CPSF2: variants seen among roughly 807,000 people sequenced by gnomAD.
CPSF2 encodes cleavage and polyadenylation specificity factor subunit 2.
CPSF2 carries 51 observed loss-of-function variants against 84.2 expected under a neutral mutation model. The observed-to-expected ratio is 0.61, with a 90% CI of 0.48 to 0.77. The LOEUF (loss-of-function observed/expected upper bound fraction) is 0.77. Ranked by LOEUF, CPSF2 falls within the 30% of genes least tolerant of loss-of-function variation. The probability of loss-of-function intolerance (pLI) is 0.00; values close to 1 mark genes in which losing one functional copy is unlikely to be tolerated. For synonymous variants in CPSF2, 286 were observed against 311.9 expected, an observed-to-expected ratio of 0.92 and a Z score of 0.87; for missense variants, 641 against 929.4, an observed-to-expected ratio of 0.69 and a Z score of 4.03.
At position 92,155,167 on chromosome 14, in the gene CPSF2, T is replaced by C. The variant is rs779458422; in HGVS notation, c.1286T>C (p.Ile429Thr). The change falls in exon 11 of 16, where the codon ATT becomes ACT. Residue 429 changes from isoleucine (I) to threonine (T), a missense_variant. Coordinates refer to ENST00000298875, the MANE Select transcript of CPSF2 (RefSeq NM_017437.3). The part of the protein sequence containing the change: ...SSDESDIEED[I>T]DQPSAHKTKH... ...GATGAGAGTGATATTGAGGAAGATA[T>C]TGACCAGCCATCAGCTCATAAGACG... 12 of 1,613,958 alleles carry C rather than the reference T, an allele frequency of 7.4e-6. No homozygotes were observed. The highest frequency in any genetic ancestry group is 4.0e-5 in the African/African-American group (3 of 74,922).
chr14:92,158,689 T>C (rs2069324556), intron 13 of CPSF2, among the ~76,000 whole-genome samples: 1 of 152,180 alleles, frequency 6.6e-6, no homozygotes, highest in South Asian at 2.1e-4. Flanking sequence ...CTGGTCTTAA[T>C]CTTACCAGTT....
intron 9 of CPSF2, among the ~76,000 whole-genome samples, chr14:92,152,672 T>C (rs1453126552): frequency 6.6e-6 from 1 of 152,058 alleles, no homozygotes; most frequent in Non-Finnish European, 1.5e-5. Context: ...CTCCTGACCT[T>C]AGGTGATCTG....
At position 92,129,833 on chromosome 14, in the gene CPSF2, G is replaced by A. The variant is rs1400985925; in HGVS notation, c.-34-1118G>A. Among the ~76,000 whole-genome samples, 3 of 151,970 alleles carry A rather than the reference G, an allele frequency of 2.0e-5. No homozygotes were observed. In the East Asian group the frequency reaches 5.8e-4, roughly 29 times the overall value. ...CGCACTCATAGCTCACAGTAACCTC[G>A]GACTCCTGGGCTCAAGCAATTCTCT... On this transcript the variant is annotated intron_variant, in intron 2 of 15. Coordinates refer to ENST00000298875, the MANE Select transcript of CPSF2 (RefSeq NM_017437.3).
intron 15 of CPSF2, 30 bp downstream of exon 15, chr14:92,161,276 G>T (rs749894123): frequency 6.3e-7 from 1 of 1,582,808 alleles, no homozygotes; most frequent in African/African-American, 1.4e-5. Flanking sequence ...GGGCTGAATT[G>T]AACACATACG....
At chr14:92,131,488 C>T (rs2068928470) in intron 3 of CPSF2, among the ~76,000 whole-genome samples, 1 of 152,082 alleles carries the variant, frequency 6.6e-6, no homozygotes, top group Non-Finnish European at 1.5e-5. Flanking sequence ...TCTTTTGATG[C>T]TTAACATTGT....
Position 92,167,010 on chromosome 14 carries a change from T to TTTC in CPSF2, c.*5268_*5269insCTT, listed in dbSNP as rs2069456192. ...TAGATTCTGCTTATCGATTTCTTTTTTTTCTTTTTTTTTTTTTTTGAGATA... is the reference window on the plus strand; with the variant it reads ...TAGATTCTGCTTATCGATTTCTTTTTTTCTTTCTTTTTTTTTTTTTTTGAGATA... On this transcript the variant is annotated 3_prime_UTR_variant, in exon 16 of 16. Coordinates refer to ENST00000298875, the MANE Select transcript of CPSF2 (RefSeq NM_017437.3). The TTTC allele has an allele frequency of 8.9e-6, 1 of 112,500 alleles. No homozygotes were observed. The highest frequency in any genetic ancestry group is 3.4e-4 in the South Asian group (1 of 2,910). 7.0% of individuals were successfully genotyped at this position (112,500 alleles called of 1,614,324 possible).
Position 92,135,352 on chromosome 14 carries a change from A to T in CPSF2, c.416-15A>T, listed in dbSNP as rs769945857. ...TTGTAAAAGAAATCTGAGTATTGTT[A>T]TCTTGTTGACATAGGTAAAGGACAT... On this transcript the variant is annotated splice_polypyrimidine_tract_variant and intron_variant, in intron 5 of 15. Coordinates refer to ENST00000298875, the MANE Select transcript of CPSF2 (RefSeq NM_017437.3). The T allele has an allele frequency of 3.1e-6, 5 of 1,588,928 alleles. No homozygotes were observed. The African/African-American group carries it at 6.8e-5, about 22-fold the overall frequency.
At chr14:92,137,619 G>A (rs191923040) in intron 6 of CPSF2, among the ~76,000 whole-genome samples, 2 of 152,286 alleles carry the variant, frequency 1.3e-5, no homozygotes, top group Admixed American at 1.3e-4. Context: ...CCTTTTAGCA[G>A]TACTATGTAT....
chr14:92,147,321 T>G (rs1459673687), intron 9 of CPSF2, among the ~76,000 whole-genome samples: 2 of 152,210 alleles, frequency 1.3e-5, no homozygotes, highest in Non-Finnish European at 2.9e-5. Flanking sequence ...AGTCAAGTCT[T>G]ACTCATTTAG....
chr14:92,143,460 C>G (rs111330784), intron 9 of CPSF2, among the ~76,000 whole-genome samples, 166 bp downstream of exon 9: 18 of 151,638 alleles, frequency 1.2e-4, no homozygotes, highest in African/African-American at 3.9e-4. Context: ...GCCAGCTACT[C>G]GGGAGGCTGA....
Position 92,167,014 on chromosome 14 carries a change from C to CTTTTTTTTT in CPSF2, c.*5277_*5285dup, listed in dbSNP as rs61186732. 4 of 128,954 alleles carry CTTTTTTTTT rather than the reference C, an allele frequency of 3.1e-5. No homozygotes were observed. Among genetic ancestry groups the CTTTTTTTTT allele is most frequent in the South Asian group, 2.4e-4 (1 of 4,110 alleles). 8.0% of individuals were successfully genotyped at this position (128,954 alleles called of 1,614,324 possible). ...TTCTGCTTATCGATTTCTTTTTTTT[C>CTTTTTTTTT]TTTTTTTTTTTTTTTGAGATAGCAT... On this transcript the variant is annotated 3_prime_UTR_variant, in exon 16 of 16. Transcript: ENST00000298875.
intron 1 of CPSF2, among the ~76,000 whole-genome samples, chr14:92,123,008 C>T (rs2068796742): frequency 6.6e-6 from 1 of 151,846 alleles, no homozygotes; most frequent in Admixed American, 6.6e-5. Context: ...GAAACTGGGG[C>T]TCTCCCTCAA....
At position 92,155,196 on chromosome 14, in the gene CPSF2, C is replaced by T; in HGVS notation, c.1315C>T (p.His439Tyr). 6.2e-7 allele frequency: 1 copy of T among 1,613,868 alleles called. No individual in the cohort carries two copies. Among genetic ancestry groups the T allele is most frequent in the Non-Finnish European group, 8.5e-7 (1 of 1,179,828 alleles). Residue 439 changes from histidine to tyrosine, a missense_variant, in exon 11 of 16, where the codon CAT (histidine) becomes TAT (tyrosine). His to Tyr is a moderately conservative substitution (Grantham distance 83). Coordinates refer to ENST00000298875, the MANE Select transcript of CPSF2 (RefSeq NM_017437.3). Reference protein sequence around the residue: ...IDQPSAHKTKHDLMMKGEGSR... With the variant: ...IDQPSAHKTKYDLMMKGEGSR... ...CCAGCCATCAGCTCATAAGACGAAG[C>T]ATGACTTGATGATGAAAGGTGAAGG...
At chr14:92,133,588 A>G (rs2068961692) in intron 3 of CPSF2, among the ~76,000 whole-genome samples, 1 of 150,688 alleles carries the variant, frequency 6.6e-6, no homozygotes, top group Admixed American at 6.6e-5. Flanking sequence ...CCCCTCAAGT[A>G]GCTGGGACTA....
chr14:92,132,635 G>C (rs974005178), intron 3 of CPSF2, among the ~76,000 whole-genome samples: 2 of 151,616 alleles, frequency 1.3e-5, no homozygotes, highest in Non-Finnish European at 2.9e-5. Context: ...AGCCAGGCAT[G>C]GTGGTGCATG....
rs751777898 is a variant in CPSF2, at chr14:92,158,966, C to T, written c.1822-17C>T. 6.3e-7 allele frequency: 1 copy of T among 1,580,552 alleles called. No homozygotes were observed. The highest frequency in any genetic ancestry group is 1.2e-5 in the South Asian group (1 of 86,486). On this transcript the variant is annotated splice_polypyrimidine_tract_variant and intron_variant, in intron 13 of 15. Coordinates refer to ENST00000298875, the MANE Select transcript of CPSF2 (RefSeq NM_017437.3). ...TTCTGTGGGTTTTATTTCTCTCCCC[C>T]TCCTTTGCATGTCTAGGTGAGGTTA... is the stretch of plus-strand genomic sequence containing the variant.
rs1295973036 is a variant in CPSF2, at chr14:92,165,383, C to T, written c.*3639C>T. On this transcript the variant is annotated 3_prime_UTR_variant, in exon 16 of 16. Coordinates refer to ENST00000298875, the MANE Select transcript of CPSF2 (RefSeq NM_017437.3). Reference sequence around the variant, plus strand: ...TTTCCAAAGTGGCTACAACATTTTGCATTTCCACCAGCATGTGTTTGAGGG... The same window carrying T: ...TTTCCAAAGTGGCTACAACATTTTGTATTTCCACCAGCATGTGTTTGAGGG... The T allele has an allele frequency of 1.3e-5, 2 of 152,228 alleles. No homozygotes were observed. Among genetic ancestry groups the T allele is most frequent in the East Asian group, 3.9e-4 (2 of 5,188 alleles). 9.4% of individuals were successfully genotyped at this position (152,228 alleles called of 1,614,324 possible).
chr14:92,143,955 A>G (rs1188740199), intron 9 of CPSF2, among the ~76,000 whole-genome samples: 2 of 151,354 alleles, frequency 1.3e-5, no homozygotes, highest in Non-Finnish European at 2.9e-5. Flanking sequence ...TTTAAATCAG[A>G]CTCTTTCCTA....
intron 9 of CPSF2, among the ~76,000 whole-genome samples, chr14:92,150,156 C>G (rs529701413): frequency 1.1e-4 from 16 of 150,844 alleles, no homozygotes; most frequent in African/African-American, 2.9e-4. Context: ...GAGACGGAGC[C>G]TTGCTCTGTC....
Sources: gnomAD v4.1 joint callset for allele counts (sites outside exome capture counted in the v4.1 genomes callset) on GRCh38, gnomAD v4.1.1 for gene constraint, MANE v1.5 for transcripts, NCBI Gene and HGNC (gene_info 2026-07-23, HGNC 2026-07-21) for gene names.